Variants in DCSTAMP observed in about 807,000 individuals in gnomAD.
DCSTAMP encodes dendritic cell-specific transmembrane protein.
DCSTAMP carries 25 observed loss-of-function variants against 33.8 expected under a neutral mutation model. The observed-to-expected ratio is 0.74, with a 90% confidence interval of 0.54 to 1.03. The LOEUF (loss-of-function observed/expected upper bound fraction) is 1.03, where lower values mean the gene tolerates loss of function less well. Among genes scored for constraint, DCSTAMP ranks in the 50% least tolerant of loss-of-function variants. DCSTAMP has a pLI of 0.00. For synonymous variants in DCSTAMP, 245 were observed against 216.7 expected (o/e 1.13, Z -1.15); for missense variants, 531 against 556.8 (o/e 0.95, Z 0.47).
chr8:104,341,069 G>A (rs1031362930), intron 1 of DCSTAMP, among the ~76,000 whole-genome samples: 4 of 152,118 alleles, frequency 2.6e-5, no homozygotes, highest in African/African-American at 9.7e-5. Flanking sequence ...GGGGAGAGAG[G>A]GGAGCAATAA....
At chr8:104,350,838 C>A (rs761230257) in intron 2 of DCSTAMP, among the ~76,000 whole-genome samples, 1 of 152,176 alleles carries the variant, frequency 6.6e-6, no homozygotes, top group African/African-American at 2.4e-5. Flanking sequence ...CAAAGCAACT[C>A]AATTCCTCTC....
At position 104,356,544 on chromosome 8, in the gene DCSTAMP, C is replaced by A; in HGVS notation, c.*346C>A. 1 of 160,378 alleles carries A rather than the reference C, an allele frequency of 6.2e-6. No individual in the cohort carries two copies. Among genetic ancestry groups the A allele is most frequent in the Non-Finnish European group, 1.4e-5 (1 of 73,546 alleles). The allele number at this position is 160,378 out of a possible 1,614,324, so 9.9% of individuals were successfully genotyped here. On this transcript the variant is annotated 3_prime_UTR_variant, in exon 4 of 4. Coordinates refer to ENST00000297581, the MANE Select transcript of DCSTAMP (RefSeq NM_030788.4). ...AGTTTAAATCTCTACCACAGCCTCA[C>A]AAGCAAATGCTAAGGGGAACATACA...
At chr8:104,347,828 G>T (rs548202398) in intron 1 of DCSTAMP, among the ~76,000 whole-genome samples, 42 of 152,220 alleles carry the variant, frequency 2.8e-4, no homozygotes, top group Non-Finnish European at 4.6e-4. Context: ...ATATTACCTC[G>T]CATGGTAAAA....
chr8:104,349,250 G>A lies in DCSTAMP; in HGVS notation c.698G>A (p.Arg233Gln), dbSNP rs749203316. Reference protein sequence around the residue: ...VLLGTGLFMKRFLGPCGWKYE... With the variant: ...VLLGTGLFMKQFLGPCGWKYE... ...CTTGGCACTGGCCTCTTCATGAAGC[G>A]ATTTTTGGGCCCTTGTGGTTGGAAG... The change falls in exon 2 of 4, where the codon CGA becomes CAA. Residue 233 changes from arginine (R) to glutamine (Q), a missense_variant. Arg to Gln is a conservative substitution (Grantham distance 43). Coordinates refer to ENST00000297581, the MANE Select transcript of DCSTAMP (RefSeq NM_030788.4). 5 of 1,614,076 alleles carry A rather than the reference G, an allele frequency of 3.1e-6. No individual in the cohort carries two copies. The highest frequency in any genetic ancestry group is 2.2e-5 in the East Asian group (1 of 44,892).
In DCSTAMP at chr8:104,356,183, T is replaced by G; in HGVS notation, c.1398T>G (p.Ser466Arg). Residue 466 changes from serine to arginine, a missense_variant, in exon 4 of 4, where the codon AGT (serine) becomes AGG (arginine). By Grantham distance (110) the Ser-to-Arg change is moderately radical. Transcript: ENST00000297581. ...GGAAGAAGCAAATGGACATGGCAAG[T>G]GCAGACAAGTCATGAGAGACCCCGA... is the stretch of plus-strand genomic sequence containing the variant. ...MIRKKQMDMA[S>R]ADKS 1 of 1,612,704 alleles carries G rather than the reference T, an allele frequency of 6.2e-7. No individual in the cohort carries two copies. Among genetic ancestry groups the G allele is most frequent in the Non-Finnish European group, 8.5e-7 (1 of 1,179,370 alleles).
At chr8:104,344,763 T>G (rs1025339123) in intron 1 of DCSTAMP, among the ~76,000 whole-genome samples, 1 of 152,150 alleles carries the variant, frequency 6.6e-6, no homozygotes, top group Non-Finnish European at 1.5e-5. Flanking sequence ...TTGCTTAGCT[T>G]ATCAAAATTC....
chr8:104,353,130 T>C (rs550305844), intron 2 of DCSTAMP, among the ~76,000 whole-genome samples: 18 of 152,352 alleles, frequency 1.2e-4, no homozygotes, highest in African/African-American at 4.1e-4. Flanking sequence ...AGCCAGAGTT[T>C]CTACTTATTG....
intron 1 of DCSTAMP, among the ~76,000 whole-genome samples, chr8:104,347,013 C>T (rs915055685): frequency 6.6e-5 from 10 of 152,146 alleles, no homozygotes; most frequent in South Asian, 2.1e-4. Context: ...GATCAATGTC[C>T]GCATTAAAAT....
intron 1 of DCSTAMP, among the ~76,000 whole-genome samples, chr8:104,348,307 G>T (rs916822858): frequency 2.0e-5 from 3 of 152,140 alleles, no homozygotes; most frequent in African/African-American, 7.2e-5. Context: ...TGCCGCATTC[G>T]ATTGGGCAAA....
intron 1 of DCSTAMP, among the ~76,000 whole-genome samples, chr8:104,343,859 C>T (rs1304127548): frequency 6.6e-6 from 1 of 152,240 alleles, no homozygotes; most frequent in African/African-American, 2.4e-5. Context: ...GAACCCAACC[C>T]TGCCAGACTT....
chr8:104,346,264 C>T (rs1023036147), intron 1 of DCSTAMP, among the ~76,000 whole-genome samples: 10 of 152,234 alleles, frequency 6.6e-5, no homozygotes, highest in African/African-American at 1.7e-4. Flanking sequence ...TGGGGTCAAA[C>T]CCAAAGTAAT....
intron 3 of DCSTAMP, 63 bp downstream of exon 3, chr8:104,355,248 A>G: frequency 6.6e-7 from 1 of 1,522,558 alleles, no homozygotes; most frequent in Non-Finnish European, 8.8e-7. Flanking sequence ...GGGAAATGGG[A>G]AAGGGGACTT....
chr8:104,352,463 C>T (rs575230002), intron 2 of DCSTAMP, among the ~76,000 whole-genome samples: 1 of 152,282 alleles, frequency 6.6e-6, no homozygotes, highest in Non-Finnish European at 1.5e-5. Flanking sequence ...CACTGCCATT[C>T]TCCTCCTGTG....
Position 104,349,552 on chromosome 8 carries a change from T to A in DCSTAMP, c.1000T>A (p.Phe334Ile). 1 of 1,613,242 alleles carries A rather than the reference T, an allele frequency of 6.2e-7. No homozygotes were observed. Among genetic ancestry groups the A allele is most frequent in the Non-Finnish European group, 8.5e-7 (1 of 1,179,792 alleles). The stretch of plus-strand genomic sequence containing the variant: ...CAAGCAGTTTCAAAGCTTGCCAGGG[T>A]TTGAGGTTCACTTGAAACTGCACGG... ...VSKQFQSLPG[F>I]EVHLKLHGEK... The change falls in exon 2 of 4, where the codon TTT becomes ATT. Residue 334 changes from phenylalanine to isoleucine, a missense_variant. Coordinates refer to ENST00000297581, the MANE Select transcript of DCSTAMP (RefSeq NM_030788.4).
At chr8:104,340,636 G>C (rs1317309596) in intron 1 of DCSTAMP, among the ~76,000 whole-genome samples, 1 of 152,204 alleles carries the variant, frequency 6.6e-6, no homozygotes, top group African/African-American at 2.4e-5. Context: ...TGGGGCTAGT[G>C]GGGACCTTAG....
intron 1 of DCSTAMP, among the ~76,000 whole-genome samples, chr8:104,346,628 C>T (rs1473261003): frequency 1.3e-5 from 2 of 152,222 alleles, no homozygotes; most frequent in Non-Finnish European, 2.9e-5. Flanking sequence ...AAGGCCAGTT[C>T]CACATGGCAG....
chr8:104,354,802 A>G (rs547760854), intron 2 of DCSTAMP, 75 bp from the exon 3 acceptor site: 1 of 944,628 alleles, frequency 1.1e-6, no homozygotes, highest in East Asian at 2.5e-5. Context: ...CATGTGCTGC[A>G]GGGAAGTACT....
intron 2 of DCSTAMP, among the ~76,000 whole-genome samples, chr8:104,352,536 A>T (rs1042170689): frequency 6.0e-5 from 9 of 150,794 alleles, no homozygotes; most frequent in African/African-American, 1.2e-4. Flanking sequence ...CTTCTCTCTC[A>T]TTTACTTCTC....
At chr8:104,346,408 A>C (rs1043590752) in intron 1 of DCSTAMP, among the ~76,000 whole-genome samples, 5 of 152,194 alleles carry the variant, frequency 3.3e-5, no homozygotes, top group African/African-American at 1.2e-4. Context: ...CTCGGTCTGT[A>C]ATGCCAGGGA....
Sources: gnomAD v4.1 joint callset for allele counts (sites outside exome capture counted in the v4.1 genomes callset) on GRCh38, gnomAD v4.1.1 for gene constraint, MANE v1.5 for transcripts, NCBI Gene and HGNC (gene_info 2026-07-23, HGNC 2026-07-21) for gene names.